The following FLNB variants were observed in gnomAD, a reference collection of about 807,000 sequenced individuals.
FLNB encodes filamin-B.
Under a neutral mutation model 250.6 loss-of-function variants are expected in FLNB, and 111 were observed. That is an observed-to-expected ratio of 0.44 (90% CI 0.38 to 0.52). The LOEUF (loss-of-function observed/expected upper bound fraction) is 0.52, where lower values mean the gene tolerates loss of function less well. Ranked by LOEUF, FLNB falls within the 20% of genes least tolerant of loss-of-function variation. The probability of loss-of-function intolerance (pLI) is 0.00; values close to 1 mark genes in which losing one functional copy is unlikely to be tolerated. For missense variants in FLNB, 2,869 were observed against 3,447.8 expected, an observed-to-expected ratio of 0.83 and a Z score of 4.20; for synonymous variants, 1,302 against 1,372.1, an observed-to-expected ratio of 0.95 and a Z score of 1.13.
chr3:58,014,737 CT>C lies in FLNB; in HGVS notation c.292+5890del, dbSNP rs771888111. On this transcript the variant is annotated intron_variant, in intron 1 of 45. Coordinates refer to ENST00000295956, the MANE Select transcript of FLNB (RefSeq NM_001457.4). ...GCCAGTCACCTTGCGTTTTCTTTTTCTTTTTTTTTGAGATGGAGTCTTGCTC... is the reference window on the plus strand; with the variant it reads ...GCCAGTCACCTTGCGTTTTCTTTTTCTTTTTTTTGAGATGGAGTCTTGCTC... Among the ~76,000 whole-genome samples, 48 of 151,204 alleles carry C rather than the reference CT, an allele frequency of 3.2e-4. 1 individual carries two copies. In the East Asian group the frequency reaches 9.2e-3, roughly 29 times the overall value.
At chr3:58,131,031 A>G (rs2097306521) in intron 25 of FLNB, 123 bp downstream of exon 25, 3 of 933,496 alleles carry the variant, frequency 3.2e-6, no homozygotes, top group Non-Finnish European at 4.9e-6. Flanking sequence ...AAAAAAAATT[A>G]TTGTTTCATT....
At chr3:58,150,462 C>G in intron 38 of FLNB, 1 of 580,068 alleles carries the variant, frequency 1.7e-6, no homozygotes, top group Non-Finnish European at 3.1e-6. Context: ...ATAAAAATAG[C>G]TTTATTGTGT....
At chr3:58,092,786 A>C (rs1382176554) in intron 4 of FLNB, among the ~76,000 whole-genome samples, 1 of 152,218 alleles carries the variant, frequency 6.6e-6, no homozygotes, top group Non-Finnish European at 1.5e-5. Flanking sequence ...CTATAGTCTC[A>C]CAGCTAAAGA....
intron 1 of FLNB, among the ~76,000 whole-genome samples, chr3:58,025,500 A>G (rs1482779346): frequency 6.6e-6 from 1 of 151,838 alleles, no homozygotes; most frequent in Non-Finnish European, 1.5e-5. Flanking sequence ...ATGCTCTCCC[A>G]GCAGCGGCAG....
intron 41 of FLNB, 101 bp from the exon 42 acceptor site, chr3:58,159,453 T>C: frequency 2.5e-6 from 3 of 1,200,368 alleles, no homozygotes; most frequent in Non-Finnish European, 3.7e-6. Context: ...GAAAAACCTA[T>C]TTGCATGAGA....
intron 10 of FLNB, among the ~76,000 whole-genome samples, chr3:58,104,462 C>A (rs542744760): frequency 1.3e-5 from 2 of 152,168 alleles, no homozygotes; most frequent in African/African-American, 2.4e-5. Context: ...ACATTAAGAC[C>A]GTCTACGTGA....
intron 19 of FLNB, among the ~76,000 whole-genome samples, chr3:58,119,407 G>A (rs552560193): frequency 8.5e-5 from 13 of 152,304 alleles, no homozygotes; most frequent in Admixed American, 3.9e-4. Context: ...AACTGAATCC[G>A]CACTAAGGTT....
intron 4 of FLNB, among the ~76,000 whole-genome samples, chr3:58,093,735 C>T (rs376972832): frequency 2.6e-5 from 4 of 151,808 alleles, no homozygotes; most frequent in Non-Finnish European, 4.4e-5. Flanking sequence ...CTTCAGTGGG[C>T]GAATGGTTAA....
chr3:58,030,927 C>T (rs1022942271), intron 1 of FLNB, among the ~76,000 whole-genome samples: 8 of 152,266 alleles, frequency 5.3e-5, no homozygotes, highest in African/African-American at 1.9e-4. Flanking sequence ...TAAATATATA[C>T]ACCTACTGTG....
intron 29 of FLNB, among the ~76,000 whole-genome samples, chr3:58,140,617 G>A (rs1298581780): frequency 1.3e-5 from 2 of 150,814 alleles, no homozygotes; most frequent in Non-Finnish European, 3.0e-5. Context: ...AATCTTTTTT[G>A]TTTTTTTTTG....
intron 39 of FLNB, 22 bp from the exon 40 acceptor site, chr3:58,154,768 AC>A (rs1459924506): frequency 6.2e-7 from 1 of 1,613,192 alleles, no homozygotes; most frequent in Non-Finnish European, 8.5e-7. Flanking sequence ...TCAGTCACTA[AC>A]CAGGTTTCTC....
chr3:58,051,295 A>G (rs1401510509), intron 1 of FLNB, among the ~76,000 whole-genome samples: 1 of 152,226 alleles, frequency 6.6e-6, no homozygotes, highest in African/African-American at 2.4e-5. Context: ...CCATTGCAGC[A>G]TATTTATTCC....
chr3:58,024,869 T>G (rs2097120931), intron 1 of FLNB, among the ~76,000 whole-genome samples: 1 of 151,508 alleles, frequency 6.6e-6, no homozygotes, highest in South Asian at 2.1e-4. Context: ...GCCGCCACTA[T>G]GCCCAGCTAA....
intron 29 of FLNB, among the ~76,000 whole-genome samples, chr3:58,140,266 C>A (rs1352465866): frequency 6.6e-6 from 1 of 152,222 alleles, no homozygotes; most frequent in Non-Finnish European, 1.5e-5. Context: ...ACACTACTCA[C>A]ACACAGCACA....
At chr3:58,047,828 T>C (rs565545240) in intron 1 of FLNB, among the ~76,000 whole-genome samples, 2 of 152,218 alleles carry the variant, frequency 1.3e-5, no homozygotes, top group East Asian at 3.9e-4. Context: ...CCTCCCAAAG[T>C]GCTAGGATTA....
rs2097093895 is a variant in FLNB, at chr3:58,008,709, C to T, written c.145C>T (p.Arg49Trp). The stretch of plus-strand genomic sequence containing the variant: ...GCAGACCGACCTGAGCGACGGGCTG[C>T]GGCTCATCGCGCTGCTCGAGGTGCT... ...NLQTDLSDGLRLIALLEVLSQ... is the reference protein window; with the variant it reads ...NLQTDLSDGLWLIALLEVLSQ... The change falls in exon 1 of 46, where the codon CGG (arginine) becomes TGG (tryptophan). Residue 49 changes from arginine to tryptophan, a missense_variant. Around this residue, in one of 5 missense-constraint regions of FLNB, gnomAD observed 308 missense variants for 466.1 expected, o/e 0.66. Coordinates refer to ENST00000295956, the MANE Select transcript of FLNB (RefSeq NM_001457.4). The T allele has an allele frequency of 6.2e-7, 1 of 1,614,184 alleles. No homozygotes were observed. The highest frequency in any genetic ancestry group is 8.5e-7 in the Non-Finnish European group (1 of 1,180,044).
At position 58,156,083 on chromosome 3, in the gene FLNB, G is replaced by T; in HGVS notation, c.6888+8G>T. The T allele has an allele frequency of 1.2e-6, 2 of 1,607,074 alleles. No homozygotes were observed. Among genetic ancestry groups the T allele is most frequent in the Non-Finnish European group, 1.7e-6 (2 of 1,173,598 alleles). On this transcript the variant is annotated splice_region_variant and intron_variant, in intron 41 of 45. Transcript: ENST00000295956. ...ACTGTTATGAGCCTTCAGGTGAGAT[G>T]CAAGGAAGCATCCATCTCCTTGGCC... is the stretch of plus-strand genomic sequence containing the variant.
intron 1 of FLNB, among the ~76,000 whole-genome samples, chr3:58,049,033 T>C (rs989356079): frequency 4.6e-5 from 7 of 152,210 alleles, no homozygotes; most frequent in African/African-American, 1.7e-4. Flanking sequence ...TGTTTCACTG[T>C]GTATTGCCAG....
intron 12 of FLNB, among the ~76,000 whole-genome samples, chr3:58,107,411 G>A (rs1429024528): frequency 1.3e-5 from 2 of 152,166 alleles, no homozygotes; most frequent in African/African-American, 4.8e-5. Context: ...CTGACTCTTG[G>A]TGTCTTCCTC....
Sources: gnomAD v4.1 joint callset for allele counts (sites outside exome capture counted in the v4.1 genomes callset) on GRCh38, gnomAD v4.1.1 for gene constraint, gnomAD v4.1.1 regional missense constraint, MANE v1.5 for transcripts, NCBI Gene and HGNC (gene_info 2026-07-23, HGNC 2026-07-21) for gene names.